Variants in KCNIP4 observed in about 807,000 individuals in gnomAD.
KCNIP4 encodes Kv channel-interacting protein 4.
A neutral mutation model predicts 34.0 loss-of-function variants in KCNIP4; 12 were observed. The observed-to-expected ratio is 0.35, with a 90% CI of 0.23 to 0.57. The LOEUF (loss-of-function observed/expected upper bound fraction) is 0.57, where lower values mean the gene tolerates loss of function less well. Ranked by LOEUF, KCNIP4 falls within the 20% of genes least tolerant of loss-of-function variation. KCNIP4 has a pLI of 0.83. For synonymous variants in KCNIP4, 124 were observed against 102.2 expected, an observed-to-expected ratio of 1.21 and a Z score of -1.29; for missense variants, 238 against 311.7, an observed-to-expected ratio of 0.76 and a Z score of 1.78.
At chr4:21,410,931 C>A (rs571649236) in intron 1 of KCNIP4, among the ~76,000 whole-genome samples, 1 of 152,066 alleles carries the variant, frequency 6.6e-6, no homozygotes, top group Non-Finnish European at 1.5e-5. Flanking sequence ...ATTGGATGGC[C>A]CACAGACAGA....
intron 1 of KCNIP4, among the ~76,000 whole-genome samples, chr4:21,054,960 A>G (rs1385914911): frequency 6.6e-6 from 1 of 152,176 alleles, no homozygotes; most frequent in Non-Finnish European, 1.5e-5. Flanking sequence ...GCTAAAGGAA[A>G]TGTTAAGAAA....
chr4:21,666,143 G>A (rs952407939), intron 1 of KCNIP4, among the ~76,000 whole-genome samples: 4 of 152,184 alleles, frequency 2.6e-5, no homozygotes, highest in African/African-American at 9.6e-5. Context: ...ACCTGAAAGA[G>A]AATGCATAAA....
intron 1 of KCNIP4, among the ~76,000 whole-genome samples, chr4:21,574,964 C>A (rs932143810): frequency 1.3e-5 from 2 of 152,122 alleles, no homozygotes; most frequent in Non-Finnish European, 2.9e-5. Context: ...TGTAGCTTTG[C>A]ATTTAGTAAA....
At chr4:21,104,695 C>T (rs115763621) in intron 1 of KCNIP4, among the ~76,000 whole-genome samples, 13,499 of 150,324 alleles carry the variant, frequency 0.09, 809 homozygotes, top group Admixed American at 0.15. Flanking sequence ...ATATTATTGC[C>T]TATGTTTTCT....
At chr4:21,063,925 G>T (rs148684170) in intron 1 of KCNIP4, among the ~76,000 whole-genome samples, 1 of 152,004 alleles carries the variant, frequency 6.6e-6, no homozygotes, top group East Asian at 1.9e-4. Flanking sequence ...ACTTGCATCC[G>T]AGTGTCCATG....
At chr4:21,047,325 T>C (rs28726281) in intron 1 of KCNIP4, among the ~76,000 whole-genome samples, 4,201 of 152,274 alleles carry the variant, frequency 0.028, 168 homozygotes, top group African/African-American at 0.095. Context: ...GCTTACCATA[T>C]AATGATTGGT....
chr4:21,253,396 T>G (rs1241240534), intron 1 of KCNIP4, among the ~76,000 whole-genome samples: 1 of 152,210 alleles, frequency 6.6e-6, no homozygotes, highest in Non-Finnish European at 1.5e-5. Context: ...AGTAGGTTAT[T>G]GATGACATCA....
intron 1 of KCNIP4, among the ~76,000 whole-genome samples, chr4:21,419,766 C>T (rs989908839): frequency 6.6e-6 from 1 of 151,984 alleles, no homozygotes; most frequent in Non-Finnish European, 1.5e-5. Context: ...TTGTTATAAA[C>T]AATCCAAGGA....
chr4:21,314,731 T>C (rs2109283211), intron 1 of KCNIP4, among the ~76,000 whole-genome samples: 1 of 152,224 alleles, frequency 6.6e-6, no homozygotes, highest in African/African-American at 2.4e-5. Context: ...GGCCAGAAAA[T>C]GCCAATGCAA....
chr4:21,184,574 A>T (rs1755075737), intron 1 of KCNIP4, among the ~76,000 whole-genome samples: 1 of 152,178 alleles, frequency 6.6e-6, no homozygotes, highest in Non-Finnish European at 1.5e-5. Flanking sequence ...GTAACCTGGT[A>T]TTAATGAGGC....
chr4:21,486,067 G>T (rs13143135), intron 1 of KCNIP4, among the ~76,000 whole-genome samples: 19,048 of 152,160 alleles, frequency 0.13, 1,363 homozygotes, highest in South Asian at 0.21. Context: ...CCATGGCTGT[G>T]CCTCACCTAG....
At chr4:21,894,577 T>C (rs1324727963) in intron 1 of KCNIP4, among the ~76,000 whole-genome samples, 1 of 152,162 alleles carries the variant, frequency 6.6e-6, no homozygotes, top group Non-Finnish European at 1.5e-5. Flanking sequence ...ATTTTCCATT[T>C]TCAACAAATC....
At chr4:21,784,508 A>G (rs148885957) in intron 1 of KCNIP4, among the ~76,000 whole-genome samples, 2,754 of 152,260 alleles carry the variant, frequency 0.018, 91 homozygotes, top group African/African-American at 0.062. Context: ...CTTTGAACTC[A>G]TATTCTAATA....
rs189861219 is a variant in KCNIP4 at position 21,308,299 on chromosome 4, G to A, written c.62-425590C>T. 1.6e-4 allele frequency among the ~76,000 whole-genome samples: 24 copies of A among 152,298 alleles called. 1 individual carries two copies. The East Asian group carries it at 3.5e-3, about 22-fold the overall frequency. ...TATCCCTCCTTCAGGGAAGTGTTGT[G>A]AGGATTAGGTGCAATAATATTTCTA... On this transcript the variant is annotated intron_variant, in intron 1 of 8. Transcript: ENST00000382152.
chr4:20,781,542 T>G (rs1756870329), intron 3 of KCNIP4, among the ~76,000 whole-genome samples: 1 of 152,188 alleles, frequency 6.6e-6, no homozygotes, highest in Non-Finnish European at 1.5e-5. Context: ...CAGAAGGCAC[T>G]TCTTACATGG....
intron 1 of KCNIP4, among the ~76,000 whole-genome samples, chr4:20,952,228 A>AT (rs556844054): frequency 0.015 from 2,219 of 151,584 alleles, 53 homozygotes; most frequent in Admixed American, 0.058. Flanking sequence ...ATATCAAGGT[A>AT]TTTTTTTTTC....
intron 1 of KCNIP4, among the ~76,000 whole-genome samples, chr4:21,605,388 T>C (rs960327664): frequency 6.6e-6 from 1 of 152,240 alleles, no homozygotes; most frequent in East Asian, 1.9e-4. Flanking sequence ...TTGAGGATCA[T>C]TGGATGCTTC....
At chr4:20,858,241 A>G (rs915098163) in intron 2 of KCNIP4, among the ~76,000 whole-genome samples, 1 of 143,996 alleles carries the variant, frequency 6.9e-6, no homozygotes. Context: ...AAAAAAAAAA[A>G]AGAGGAAGAC....
chr4:21,900,666 G>T (rs1727655092), intron 1 of KCNIP4, among the ~76,000 whole-genome samples: 1 of 152,090 alleles, frequency 6.6e-6, no homozygotes. Flanking sequence ...GTAAAAATTT[G>T]CATCTTAAGT....
Sources: gnomAD v4.1 joint callset for allele counts (sites outside exome capture counted in the v4.1 genomes callset) on GRCh38, gnomAD v4.1.1 for gene constraint, MANE v1.5 for transcripts, NCBI Gene and HGNC (gene_info 2026-07-23, HGNC 2026-07-21) for gene names.